DPY19L1: variants seen among roughly 807,000 people sequenced by gnomAD.
The protein encoded by DPY19L1 is dpy-19 like C-mannosyltransferase 1, also known as protein C-mannosyl-transferase DPY19L1.
DPY19L1 carries 35 observed loss-of-function variants against 96.9 expected under a neutral mutation model. The ratio of observed to expected loss-of-function variants is 0.36; its 90% CI spans 0.28 to 0.48. The LOEUF is 0.48. Ranked by LOEUF, DPY19L1 falls within the 20% of genes least tolerant of loss-of-function variation. DPY19L1 has a pLI of 0.99. For missense variants in DPY19L1, 521 were observed against 777.9 expected (o/e 0.67, Z 3.93); for synonymous variants, 205 against 252.6 (o/e 0.81, Z 1.79).
At chr7:34,946,129 T>C (rs1189205241) in intron 15 of DPY19L1, among the ~76,000 whole-genome samples, 2 of 152,190 alleles carry the variant, frequency 1.3e-5, no homozygotes, top group East Asian at 1.9e-4. Context: ...GGCTCAGAGG[T>C]TGATAATCAC....
At chr7:34,968,467 G>A (rs1168093753) in intron 9 of DPY19L1, among the ~76,000 whole-genome samples, 4 of 152,064 alleles carry the variant, frequency 2.6e-5, no homozygotes, top group African/African-American at 9.7e-5. Context: ...CAAGCAAGAT[G>A]TTCTAAAAAA....
intron 9 of DPY19L1, 21 bp from the exon 10 acceptor site, chr7:34,966,992 A>G: frequency 6.7e-7 from 1 of 1,495,282 alleles, no homozygotes; most frequent in Non-Finnish European, 9.0e-7. Flanking sequence ...AAAAGAAATT[A>G]GAAGTAAAAA....
chr7:34,956,216 C>T (rs1584215984), intron 11 of DPY19L1, among the ~76,000 whole-genome samples: 4 of 152,218 alleles, frequency 2.6e-5, no homozygotes, highest in Admixed American at 2.6e-4. Flanking sequence ...CAATGGTTTC[C>T]CTGTCCATAG....
At chr7:35,022,777 C>T (rs1357714445) in intron 1 of DPY19L1, among the ~76,000 whole-genome samples, 15 of 137,658 alleles carry the variant, frequency 1.1e-4, no homozygotes, top group African/African-American at 2.7e-4. Context: ...TACACACACA[C>T]GCACACACAC....
At chr7:35,035,112 C>A (rs768117168) in intron 1 of DPY19L1, among the ~76,000 whole-genome samples, 3 of 152,208 alleles carry the variant, frequency 2.0e-5, no homozygotes. Context: ...TCCAATCATT[C>A]AGCAGAATCA....
intron 6 of DPY19L1, among the ~76,000 whole-genome samples, chr7:35,008,463 GA>G (rs1194476815): frequency 6.6e-6 from 1 of 152,206 alleles, no homozygotes; most frequent in East Asian, 1.9e-4. Flanking sequence ...TTCTGCCTTT[GA>G]AAAAACAGTT....
intron 9 of DPY19L1, among the ~76,000 whole-genome samples, chr7:34,969,186 A>G (rs1232340155): frequency 6.6e-6 from 1 of 152,226 alleles, no homozygotes; most frequent in Admixed American, 6.5e-5. Flanking sequence ...TTTGAGTTCA[A>G]TAAATGCATT....
chr7:34,998,773 A>G (rs926085855), intron 6 of DPY19L1, among the ~76,000 whole-genome samples: 3 of 152,220 alleles, frequency 2.0e-5, no homozygotes, highest in Non-Finnish European at 2.9e-5. Flanking sequence ...TTAGATACAA[A>G]TGTCAAGCTA....
At chr7:34,977,997 T>A (rs1283113103) in intron 7 of DPY19L1, among the ~76,000 whole-genome samples, 1 of 152,028 alleles carries the variant, frequency 6.6e-6, no homozygotes, top group Non-Finnish European at 1.5e-5. Context: ...AATAGGCTTT[T>A]ATTTTCTGCT....
chr7:34,957,326 G>A (rs552616097), intron 11 of DPY19L1, among the ~76,000 whole-genome samples: 1 of 152,250 alleles, frequency 6.6e-6, no homozygotes, highest in Non-Finnish European at 1.5e-5. Context: ...AGTGAGCCAA[G>A]ATTGCGCCAT....
At chr7:34,952,969 G>C (rs961121304) in intron 13 of DPY19L1, among the ~76,000 whole-genome samples, 1 of 152,096 alleles carries the variant, frequency 6.6e-6, no homozygotes, top group African/African-American at 2.4e-5. Context: ...ATCCACCTCA[G>C]CACCACCCCC....
chr7:35,006,443 A>G (rs1239479685), intron 6 of DPY19L1, among the ~76,000 whole-genome samples: 1 of 152,194 alleles, frequency 6.6e-6, no homozygotes, highest in Non-Finnish European at 1.5e-5. Context: ...TCCAGAAGAA[A>G]CTAGGGGGAA....
Position 34,989,758 on chromosome 7 carries a change from G to C in DPY19L1, c.822+126C>G, listed in dbSNP as rs1231016404. The C allele has an allele frequency of 4.0e-6, 3 of 747,742 alleles. No homozygotes were observed. In the African/African-American group the frequency reaches 5.4e-5, roughly 13 times the overall value. The allele number at this position is 747,742 out of a possible 1,614,324, so 46.3% of individuals were successfully genotyped here. On this transcript the variant is annotated intron_variant, in intron 7 of 21. Transcript: ENST00000638088. ...TCATGAAAAGTTAACTCAAATGAAT[G>C]CTAGTGTTTAAATTTTGAATCAAAA...
chr7:35,014,647 G>A (rs1329847823), intron 3 of DPY19L1, among the ~76,000 whole-genome samples: 4 of 152,096 alleles, frequency 2.6e-5, no homozygotes, highest in East Asian at 3.8e-4. Flanking sequence ...CTGATGTATC[G>A]ACTCTGATAC....
chr7:34,954,788 A>G lies in DPY19L1; in HGVS notation c.1240-10T>C, dbSNP rs1186133425. The G allele has an allele frequency of 1.3e-5, 19 of 1,482,570 alleles. No individual in the cohort carries two copies. The highest frequency in any genetic ancestry group is 4.6e-6 in the Non-Finnish European group (5 of 1,084,140). The allele number at this position is 1,482,570 out of a possible 1,614,324, so 91.8% of individuals were successfully genotyped here. On this transcript the variant is annotated splice_polypyrimidine_tract_variant and intron_variant, in intron 12 of 21. Transcript: ENST00000638088. The stretch of plus-strand genomic sequence containing the variant: ...AACATCCTTGAATAACCTAAACAAA[A>G]GAAAACAAAAATAACTTTGATGCTT...
intron 9 of DPY19L1, 21 bp from the exon 10 acceptor site, chr7:34,966,992 A>C (rs370376111): frequency 1.7e-5 from 25 of 1,495,164 alleles, no homozygotes; most frequent in Non-Finnish European, 2.2e-5. Context: ...AAAAGAAATT[A>C]GAAGTAAAAA....
intron 3 of DPY19L1, among the ~76,000 whole-genome samples, chr7:35,017,644 C>T (rs1425314023): frequency 6.6e-6 from 1 of 151,574 alleles, no homozygotes; most frequent in East Asian, 1.9e-4. Context: ...TGCACTCCAG[C>T]CTGGGCGACA....
chr7:34,939,480 G>A, intron 19 of DPY19L1, 105 bp from the exon 20 acceptor site: 1 of 887,264 alleles, frequency 1.1e-6, no homozygotes, highest in Non-Finnish European at 1.7e-6. Flanking sequence ...CGGAAGCCCA[G>A]CAGGTTCATG....
chr7:34,944,273 G>A (rs1267639973), intron 16 of DPY19L1, among the ~76,000 whole-genome samples: 5 of 146,210 alleles, frequency 3.4e-5, no homozygotes, highest in East Asian at 2.0e-4. Flanking sequence ...TGAGGCAGAC[G>A]AATCGCCTGA....
Sources: allele counts gnomAD v4.1 joint callset (sites outside exome capture counted in the v4.1 genomes callset), GRCh38; gene constraint gnomAD v4.1.1; transcripts MANE v1.5; gene names NCBI Gene and HGNC (gene_info 2026-07-23, HGNC 2026-07-21).